Variants in TBC1D22A observed in about 807,000 individuals in gnomAD.
The protein encoded by TBC1D22A is putative GTPase activator.
In TBC1D22A, 38 loss-of-function variants were observed where a neutral mutation model predicts 60.2. That is an observed-to-expected ratio of 0.63 (90% CI 0.49 to 0.83). The LOEUF (loss-of-function observed/expected upper bound fraction) is 0.83. Among genes scored for constraint, TBC1D22A ranks in the 40% least tolerant of loss-of-function variants. The pLI is 0.00. For missense variants in TBC1D22A, 628 were observed against 701.0 expected, an observed-to-expected ratio of 0.90 and a Z score of 1.18; for synonymous variants, 302 against 281.7, an observed-to-expected ratio of 1.07 and a Z score of -0.72.
chr22:46,885,142 G>A (rs1289688607), intron 5 of TBC1D22A, among the ~76,000 whole-genome samples: 7 of 152,216 alleles, frequency 4.6e-5, no homozygotes, highest in Non-Finnish European at 1.0e-4. Flanking sequence ...CAGCGTCTCT[G>A]TATCCAGGGC....
chr22:47,121,458 T>C (rs2066268692), intron 12 of TBC1D22A, among the ~76,000 whole-genome samples: 1 of 152,236 alleles, frequency 6.6e-6, no homozygotes. Context: ...TTATAATGTT[T>C]CATAACTACC....
chr22:47,061,741 C>T (rs1380558909), intron 11 of TBC1D22A, among the ~76,000 whole-genome samples: 4 of 152,022 alleles, frequency 2.6e-5, no homozygotes, highest in South Asian at 2.1e-4. Flanking sequence ...GGTTTGTCAT[C>T]GTAAAGGATT....
At chr22:47,090,251 A>AT (rs2064865944) in intron 11 of TBC1D22A, among the ~76,000 whole-genome samples, 2 of 152,202 alleles carry the variant, frequency 1.3e-5, no homozygotes, top group African/African-American at 4.8e-5. Flanking sequence ...CCGCCAGCTC[A>AT]TGTCTCCACC....
intron 1 of TBC1D22A, among the ~76,000 whole-genome samples, chr22:46,788,423 T>C (rs1312248752): frequency 1.3e-5 from 2 of 152,212 alleles, no homozygotes; most frequent in African/African-American, 4.8e-5. Context: ...GTATTGATAG[T>C]AAAAAAGAAA....
At chr22:46,773,415 A>G (rs1362989164) in intron 1 of TBC1D22A, among the ~76,000 whole-genome samples, 1 of 152,184 alleles carries the variant, frequency 6.6e-6, no homozygotes, top group African/African-American at 2.4e-5. Flanking sequence ...CCTTGGTGTC[A>G]CACCTCACGC....
At chr22:47,130,838 C>T (rs964212422) in intron 12 of TBC1D22A, among the ~76,000 whole-genome samples, 22 of 152,166 alleles carry the variant, frequency 1.4e-4, no homozygotes, top group Admixed American at 9.2e-4. Flanking sequence ...CCCTTATTTC[C>T]GACCTTATCT....
intron 11 of TBC1D22A, among the ~76,000 whole-genome samples, chr22:47,045,279 G>A (rs1008657916): frequency 2.0e-5 from 3 of 152,330 alleles, no homozygotes; most frequent in African/African-American, 4.8e-5. Context: ...GCGGGAAAAC[G>A]TGATGCAGAG....
At chr22:46,972,592 A>G (rs759735381) in intron 8 of TBC1D22A, among the ~76,000 whole-genome samples, 7 of 151,958 alleles carry the variant, frequency 4.6e-5, no homozygotes, top group Non-Finnish European at 1.0e-4. Flanking sequence ...AGAATAGGCA[A>G]CTCCATAGAG....
intron 11 of TBC1D22A, among the ~76,000 whole-genome samples, chr22:47,077,856 C>T (rs927911568): frequency 6.6e-6 from 1 of 152,196 alleles, no homozygotes; most frequent in Admixed American, 6.5e-5. Flanking sequence ...ATAGGAATGC[C>T]TGTGCGCCAT....
intron 12 of TBC1D22A, among the ~76,000 whole-genome samples, chr22:47,127,032 G>A (rs1028998040): frequency 1.3e-5 from 2 of 152,156 alleles, no homozygotes; most frequent in African/African-American, 2.4e-5. Context: ...ACACGTGTGC[G>A]TGCACACCCA....
At chr22:46,797,737 T>C in intron 4 of TBC1D22A, 117 bp downstream of exon 4, 3 of 1,116,648 alleles carry the variant, frequency 2.7e-6, no homozygotes, top group Non-Finnish European at 2.4e-6. Flanking sequence ...CGTGTGTAAT[T>C]TGCCTTGCAG....
intron 9 of TBC1D22A, among the ~76,000 whole-genome samples, chr22:46,976,597 C>T (rs1171317080): frequency 2.0e-5 from 3 of 152,238 alleles, no homozygotes; most frequent in Non-Finnish European, 4.4e-5. Context: ...ACGACCTGGC[C>T]GCTTCTGCCT....
chr22:47,004,533 C>A (rs2148270360), intron 10 of TBC1D22A, among the ~76,000 whole-genome samples: 1 of 151,464 alleles, frequency 6.6e-6, no homozygotes, highest in South Asian at 2.1e-4. Flanking sequence ...ATACACACAC[C>A]TGCCATATAC....
chr22:47,121,211 C>T (rs1237497438), intron 12 of TBC1D22A, among the ~76,000 whole-genome samples: 2 of 152,344 alleles, frequency 1.3e-5, no homozygotes, highest in East Asian at 1.9e-4. Context: ...AAATAAGCAC[C>T]GCTTTTAGCG....
At chr22:46,936,096 C>T (rs112771283) in intron 8 of TBC1D22A, among the ~76,000 whole-genome samples, 4,992 of 152,376 alleles carry the variant, frequency 0.033, 119 homozygotes, top group Admixed American at 0.063. Context: ...ACTGTTCCAC[C>T]TTAGTGGAGA....
chr22:47,159,128 A>G (rs2067845279), intron 12 of TBC1D22A, among the ~76,000 whole-genome samples: 1 of 151,094 alleles, frequency 6.6e-6, no homozygotes, highest in African/African-American at 2.4e-5. Flanking sequence ...ACACACACAC[A>G]CCAGTTACTG....
chr22:46,921,772 A>G (rs751290207), intron 8 of TBC1D22A, among the ~76,000 whole-genome samples: 10 of 151,962 alleles, frequency 6.6e-5, no homozygotes, highest in Non-Finnish European at 1.2e-4. Context: ...TGACTTTTTA[A>G]TAATAGTCTT....
intron 2 of TBC1D22A, chr22:46,792,893 CCCT>C (rs2084480545): frequency 7.1e-7 from 1 of 1,416,060 alleles, no homozygotes; most frequent in Non-Finnish European, 9.2e-7. Context: ...TTGTCCTTTC[CCCT>C]CCTCCTTCCC....
chr22:46,942,076 G>A (rs902422567), intron 8 of TBC1D22A, among the ~76,000 whole-genome samples: 2 of 147,664 alleles, frequency 1.4e-5, no homozygotes, highest in African/African-American at 5.0e-5. Context: ...GGAGCCTGGG[G>A]CACTAGCATA....
Sources: gnomAD v4.1 joint callset for allele counts (sites outside exome capture counted in the v4.1 genomes callset) on GRCh38, gnomAD v4.1.1 for gene constraint, MANE v1.5 for transcripts, NCBI Gene and HGNC (gene_info 2026-07-23, HGNC 2026-07-21) for gene names.